MSH3: variants seen among roughly 807,000 people sequenced by gnomAD.
The protein encoded by MSH3 is mutS homolog 3.
In MSH3, 106 loss-of-function variants were observed where a neutral mutation model predicts 123.3. The observed-to-expected ratio is 0.86, with a 90% confidence interval of 0.73 to 1.01. The LOEUF (loss-of-function observed/expected upper bound fraction) is 1.01. MSH3 is among the 50% of genes least tolerant of loss of function. The probability of loss-of-function intolerance (pLI) is 0.00; values close to 1 mark genes in which losing one functional copy is unlikely to be tolerated. For synonymous variants in MSH3, 515 were observed against 481.4 expected, an observed-to-expected ratio of 1.07 and a Z score of -0.91; for missense variants, 1,459 against 1,347.6, an observed-to-expected ratio of 1.08 and a Z score of -1.29.
At chr5:80,746,390 C>T in intron 12 of MSH3, 2 of 419,612 alleles carry the variant, frequency 4.8e-6, no homozygotes, top group Non-Finnish European at 9.5e-6. Context: ...TCCTCTTCTT[C>T]AGTAAAGTCA....
At chr5:80,871,797 G>A (rs1297155190) in intron 22 of MSH3, among the ~76,000 whole-genome samples, 1 of 152,110 alleles carries the variant, frequency 6.6e-6, no homozygotes, top group Non-Finnish European at 1.5e-5. Flanking sequence ...TGAGTCACTG[G>A]TTAGGAATGA....
Position 80,784,368 on chromosome 5 carries a change from C to CA in MSH3, c.2436-3196dup, listed in dbSNP as rs370187410. On this transcript the variant is annotated intron_variant, in intron 17 of 23. Transcript: ENST00000265081. ...ACCCAGGGCAGTTAGGTCAATGCAA[C>CA]ATGTGGCATCTTCAAAACTAGAGAG... 6.0e-3 allele frequency among the ~76,000 whole-genome samples: 906 copies of CA among 151,968 alleles called. 8 individuals carry two copies. The highest frequency in any genetic ancestry group is 0.021 in the African/African-American group (871 of 41,466).
chr5:80,828,106 G>A (rs1745353308), intron 20 of MSH3, among the ~76,000 whole-genome samples: 1 of 152,138 alleles, frequency 6.6e-6, no homozygotes, highest in African/African-American at 2.4e-5. Context: ...GGCTCATTGG[G>A]TAATTGATAA....
chr5:80,765,597 C>G (rs1744108902), intron 13 of MSH3, among the ~76,000 whole-genome samples: 1 of 152,094 alleles, frequency 6.6e-6, no homozygotes, highest in Admixed American at 6.5e-5. Flanking sequence ...AAATTGTTTT[C>G]TCATCTCAAG....
intron 18 of MSH3, among the ~76,000 whole-genome samples, chr5:80,791,211 A>G (rs1279588738): frequency 6.6e-6 from 1 of 152,230 alleles, no homozygotes; most frequent in Admixed American, 6.5e-5. Context: ...TGATGTAGAA[A>G]TAAAGGTACT....
chr5:80,745,547 T>C (rs1026904178), intron 12 of MSH3, among the ~76,000 whole-genome samples: 4 of 152,220 alleles, frequency 2.6e-5, no homozygotes, highest in African/African-American at 9.6e-5. Context: ...AAAACCAGCA[T>C]TGACTCCAGA....
intron 2 of MSH3, among the ~76,000 whole-genome samples, chr5:80,656,998 ATAT>A (rs1399390794): frequency 1.3e-5 from 2 of 152,054 alleles, no homozygotes; most frequent in Non-Finnish European, 2.9e-5. Flanking sequence ...TTTACAGATT[ATAT>A]TATATTCTAT....
chr5:80,761,490 G>A (rs776999638), intron 12 of MSH3, 56 bp from the exon 13 acceptor site: 82 of 1,601,606 alleles, frequency 5.1e-5, no homozygotes, highest in Non-Finnish European at 6.8e-5. Context: ...AGTGGGAAAT[G>A]TCTATATTCT....
At chr5:80,773,643 A>T (rs1220505474) in intron 15 of MSH3, among the ~76,000 whole-genome samples, 1 of 152,220 alleles carries the variant, frequency 6.6e-6, no homozygotes, top group East Asian at 1.9e-4. Context: ...AATAAAACTG[A>T]TAAATGTGAA....
rs1746303278 is a variant in MSH3, at chr5:80,876,032, T to G, written c.*170T>G. On this transcript the variant is annotated 3_prime_UTR_variant, in exon 24 of 24. Transcript: ENST00000265081. ...TTTCTGAAGACAGTCTTTTTCAAGT[T>G]TCTGTCTTCCTAACTTTTCTACGTA... The G allele has an allele frequency of 3.3e-6, 2 of 612,164 alleles. No individual in the cohort carries two copies. The highest frequency in any genetic ancestry group is 5.8e-6 in the Non-Finnish European group (2 of 345,004). The allele number at this position is 612,164 out of a possible 1,614,324, so 37.9% of individuals were successfully genotyped here. A position where few individuals can be genotyped will look rare whatever the true frequency, so the allele number is the denominator to read the frequency against.
In MSH3 at chr5:80,824,299, C is replaced by T. The variant is rs571955063; in HGVS notation, c.2813+10558C>T. Among the ~76,000 whole-genome samples the T allele has an allele frequency of 1.1e-4, 16 of 152,084 alleles. No homozygotes were observed. In the South Asian group the frequency reaches 1.2e-3, roughly 12 times the overall value. The stretch of plus-strand genomic sequence containing the variant: ...GCAGAGGCGCCCCTCACCTCCCGGA[C>T]GGGGTGGCGGCTGGGCGGAGGCGCC... On this transcript the variant is annotated intron_variant, in intron 20 of 23. Transcript: ENST00000265081.
intron 17 of MSH3, among the ~76,000 whole-genome samples, chr5:80,779,879 T>C (rs1005507370): frequency 6.6e-6 from 1 of 152,100 alleles, no homozygotes; most frequent in African/African-American, 2.4e-5. Flanking sequence ...TTAACATTAA[T>C]TTATGAATAT....
At chr5:80,725,612 TGGATAAA>T (rs750226304) in intron 9 of MSH3, 47 bp downstream of exon 9, 1 of 1,287,860 alleles carries the variant, frequency 7.8e-7, no homozygotes, top group East Asian at 2.3e-5. Flanking sequence ...ATTTGAAATT[TGGATAAA>T]GGTATTAGTA....
chr5:80,763,384 C>T (rs26779), intron 13 of MSH3, among the ~76,000 whole-genome samples: 52,510 of 151,954 alleles, frequency 0.35, 9,533 homozygotes, highest in South Asian at 0.46. Flanking sequence ...GTTATGGGGC[C>T]GGGGAGCCTA....
At chr5:80,764,384 T>A (rs1184175141) in intron 13 of MSH3, among the ~76,000 whole-genome samples, 1 of 149,776 alleles carries the variant, frequency 6.7e-6, no homozygotes, top group East Asian at 1.9e-4. Context: ...TTCTTCTTCT[T>A]TTTTTTTTTG....
At chr5:80,792,689 C>A in intron 18 of MSH3, 44 bp from the exon 19 acceptor site, 4 of 1,186,440 alleles carry the variant, frequency 3.4e-6, no homozygotes, top group Non-Finnish European at 5.0e-6. Context: ...TTTTTTAAGG[C>A]TATTTCCATG....
intron 20 of MSH3, among the ~76,000 whole-genome samples, chr5:80,840,748 C>A (rs1745607102): frequency 6.6e-6 from 1 of 151,904 alleles, no homozygotes; most frequent in Non-Finnish European, 1.5e-5. Flanking sequence ...CTCCCCCAGC[C>A]CCCTACCCCT....
rs928782972 is a variant in MSH3, at chr5:80,813,804, G to T, written c.2813+63G>T. The T allele has an allele frequency of 4.5e-6, 7 of 1,566,932 alleles. No individual in the cohort carries two copies. The African/African-American group carries it at 9.5e-5, about 21-fold the overall frequency. On this transcript the variant is annotated intron_variant, in intron 20 of 23. Transcript: ENST00000265081. ...ATAAGTCAAGCCCACATTATCGCATGAATTTTCCTTTTGTGTACATATTTA... is the reference window on the plus strand; with the variant it reads ...ATAAGTCAAGCCCACATTATCGCATTAATTTTCCTTTTGTGTACATATTTA...
chr5:80,802,198 A>AT (rs912185776), intron 19 of MSH3, among the ~76,000 whole-genome samples: 5 of 151,988 alleles, frequency 3.3e-5, no homozygotes, highest in African/African-American at 9.7e-5. Flanking sequence ...AGAAATAGCC[A>AT]TTTTTTATAT....
Sources: allele counts gnomAD v4.1 joint callset (sites outside exome capture counted in the v4.1 genomes callset), GRCh38; gene constraint gnomAD v4.1.1; transcripts MANE v1.5; gene names NCBI Gene and HGNC (gene_info 2026-07-23, HGNC 2026-07-21).